Variants in TRIM5 observed in about 807,000 individuals in gnomAD.
TRIM5 encodes tripartite motif-containing protein 5.
TRIM5 carries 31 observed loss-of-function variants against 35.6 expected under a neutral mutation model. That is an observed-to-expected ratio of 0.87 (90% CI 0.65 to 1.18). The LOEUF is 1.18. Among genes scored for constraint, TRIM5 ranks in the 50% most tolerant of loss-of-function variants. The pLI, the probability that TRIM5 is intolerant of heterozygous loss-of-function variation, is 0.00. For synonymous variants in TRIM5, 243 were observed against 215.6 expected (o/e 1.13, Z -1.11); for missense variants, 609 against 591.6 (o/e 1.03, Z -0.31).
chr11:5,634,530 C>CACAA, the TRIM5 span: 1 of 260,134 alleles, frequency 3.8e-6, no homozygotes, highest in Non-Finnish European at 6.6e-6. Flanking sequence ...CACACACACA[C>CACAA]ATATATATAT....
At chr11:5,613,900 T>A in the TRIM5 span, among the ~76,000 whole-genome samples, 112 of 51,856 alleles carry the variant, frequency 2.2e-3, 1 homozygote, top group Admixed American at 0.012. Flanking sequence ...TTTATTGTGA[T>A]ATTTACTTCT....
the TRIM5 span, among the ~76,000 whole-genome samples, chr11:5,646,913 G>A: frequency 1.3e-5 from 2 of 152,136 alleles, no homozygotes; most frequent in Non-Finnish European, 2.9e-5. Flanking sequence ...TGAGCTCATA[G>A]GACATGAAGA....
chr11:5,667,353 C>T (rs778605936), intron 5 of TRIM5, among the ~76,000 whole-genome samples: 10 of 152,080 alleles, frequency 6.6e-5, no homozygotes, highest in South Asian at 2.1e-4. Flanking sequence ...ATTACAGGCA[C>T]GGGCCACCAC....
Position 5,665,082 on chromosome 11 carries a change from C to T in TRIM5, c.1209G>A (p.Gly403=), listed in dbSNP as rs1851024410. The T allele has an allele frequency of 6.2e-7, 1 of 1,614,076 alleles. No homozygotes were observed. Among genetic ancestry groups the T allele is most frequent in the Non-Finnish European group, 8.5e-7 (1 of 1,180,018 alleles). ...YQPKYGYWVI[G]LEEGVKCSAF... ...CACTACATTTAACTCCTTCCTCTAA[C>T]CCTATAACCCAGTAGCCGTATTTAG... Residue 403 remains glycine (G), a synonymous_variant, in exon 8 of 8, where the codon GGG becomes GGA. Coordinates refer to ENST00000380034, the MANE Select transcript of TRIM5 (RefSeq NM_033034.3).
Position 5,664,708 on chromosome 11 carries a change from A to G in TRIM5, c.*101T>C, listed in dbSNP as rs895288547. 6.7e-7 allele frequency: 1 copy of G among 1,483,248 alleles called. No individual in the cohort carries two copies. Among genetic ancestry groups the G allele is most frequent in the African/African-American group, 1.4e-5 (1 of 71,278 alleles). The allele number at this position is 1,483,248 out of a possible 1,614,324, so 91.9% of individuals were successfully genotyped here. ...ACGTTCAAATAGAAAGAAGGGAGAC[A>G]GCAAGGAAAAGATGGTTAAAATGAT... On this transcript the variant is annotated 3_prime_UTR_variant, in exon 8 of 8. Coordinates refer to ENST00000380034, the MANE Select transcript of TRIM5 (RefSeq NM_033034.3).
the TRIM5 span, among the ~76,000 whole-genome samples, chr11:5,626,188 G>A: frequency 6.6e-6 from 1 of 152,160 alleles, no homozygotes; most frequent in African/African-American, 2.4e-5. Flanking sequence ...CAACATATGG[G>A]ATAAAATTGA....
the TRIM5 span, among the ~76,000 whole-genome samples, chr11:5,606,996 G>A: frequency 1.3e-5 from 2 of 152,168 alleles, no homozygotes; most frequent in Non-Finnish European, 2.9e-5. Context: ...GAGGTCAGGA[G>A]ATTGAGACCA....
At chr11:5,605,449 A>C in the TRIM5 span, 7 of 1,614,088 alleles carry the variant, frequency 4.3e-6, no homozygotes, top group Non-Finnish European at 5.9e-6. Context: ...GAAGAGAAGA[A>C]GGGGCTACGA....
chr11:5,613,595 GAGAA>G, the TRIM5 span, among the ~76,000 whole-genome samples: 1 of 152,206 alleles, frequency 6.6e-6, no homozygotes, highest in African/African-American at 2.4e-5. Flanking sequence ...GTTCAGGAAA[GAGAA>G]AGATCTGCTG....
At chr11:5,659,346 C>T (rs1466823518), downstream of TRIM5, among the ~76,000 whole-genome samples, 1 of 152,122 alleles carries the variant, frequency 6.6e-6, no homozygotes, top group African/African-American at 2.4e-5. Flanking sequence ...GAACTTTTCT[C>T]ATTTCACTAA....
the TRIM5 span, among the ~76,000 whole-genome samples, chr11:5,615,800 T>A: frequency 6.6e-6 from 1 of 151,594 alleles, no homozygotes; most frequent in Non-Finnish European, 1.5e-5. Context: ...ACCATGTTGG[T>A]CATATTGGTC....
At chr11:5,595,197 C>T in the TRIM5 span, 1 of 152,216 alleles carries the variant, frequency 6.6e-6, no homozygotes, top group Non-Finnish European at 1.5e-5. Flanking sequence ...ATACCTCCCT[C>T]CCCAAGCCAC....
the TRIM5 span, among the ~76,000 whole-genome samples, chr11:5,593,226 C>T: frequency 1.3e-5 from 2 of 152,346 alleles, no homozygotes; most frequent in South Asian, 2.1e-4. Context: ...CCTGAATTCT[C>T]AAGCATAAAC....
At chr11:5,589,090 A>AT in the TRIM5 span, 3 of 152,042 alleles carry the variant, frequency 2.0e-5, no homozygotes, top group African/African-American at 7.2e-5. Context: ...CCTGCCACAC[A>AT]TTTTTATCAT....
At chr11:5,677,836 G>C (rs1852112182) in intron 4 of TRIM5, 2 of 167,762 alleles carry the variant, frequency 1.2e-5, no homozygotes, top group Admixed American at 1.3e-4. Context: ...TTCCATGAAG[G>C]AAAAAAATAA....
At chr11:5,603,955 A>G in the TRIM5 span, among the ~76,000 whole-genome samples, 1 of 151,804 alleles carries the variant, frequency 6.6e-6, no homozygotes, top group Non-Finnish European at 1.5e-5. Flanking sequence ...TGGTTGATTG[A>G]GTGTGGAGAT....
chr11:5,589,308 T>C, the TRIM5 span: 1 of 151,894 alleles, frequency 6.6e-6, no homozygotes, highest in Non-Finnish European at 1.5e-5. Context: ...TAGCTTTGTA[T>C]CGTCTTTGAG....
the TRIM5 span, among the ~76,000 whole-genome samples, chr11:5,626,314 G>A: frequency 6.6e-6 from 1 of 152,174 alleles, no homozygotes; most frequent in Non-Finnish European, 1.5e-5. Flanking sequence ...AGACCATATC[G>A]ATGAATGTTA....
downstream of TRIM5, among the ~76,000 whole-genome samples, chr11:5,660,427 T>C (rs1850774221): frequency 6.6e-6 from 1 of 152,216 alleles, no homozygotes; most frequent in South Asian, 2.1e-4. Context: ...TCTATTACCC[T>C]GAATATTCTG....
Sources: allele counts gnomAD v4.1 joint callset (sites outside exome capture counted in the v4.1 genomes callset), GRCh38; gene constraint gnomAD v4.1.1; transcripts MANE v1.5; gene names NCBI Gene and HGNC (gene_info 2026-07-23, HGNC 2026-07-21).